Variants in TWIST2 observed in about 807,000 individuals in gnomAD.
TWIST2 encodes the protein twist family bHLH transcription factor 2, also known as twist-related protein 2.
A neutral mutation model predicts 11.6 loss-of-function variants in TWIST2; 1 was observed. That is an observed-to-expected ratio of 0.09 (90% confidence interval 0.03 to 0.41). The LOEUF is 0.41. Ranked by LOEUF, TWIST2 falls within the 10% of genes least tolerant of loss-of-function variation. The pLI is 0.98. For missense variants in TWIST2, 168 were observed against 226.4 expected, an observed-to-expected ratio of 0.74 and a Z score of 1.66; for synonymous variants, 87 against 96.6, an observed-to-expected ratio of 0.90 and a Z score of 0.58.
intron 1 of TWIST2, among the ~76,000 whole-genome samples, chr2:238,907,089 G>A (rs1693365734): frequency 6.6e-6 from 1 of 152,218 alleles, no homozygotes; most frequent in African/African-American, 2.4e-5. Context: ...AGGTCTCCTG[G>A]CAGGACAGCA....
At chr2:238,879,703 G>T (rs977057032) in intron 1 of TWIST2, among the ~76,000 whole-genome samples, 4 of 152,242 alleles carry the variant, frequency 2.6e-5, no homozygotes, top group Non-Finnish European at 5.9e-5. Flanking sequence ...ACCAGCTGTT[G>T]AGTTGTGGAC....
chr2:238,873,218 G>A (rs777163151), intron 1 of TWIST2, among the ~76,000 whole-genome samples: 5 of 152,140 alleles, frequency 3.3e-5, no homozygotes, highest in East Asian at 1.9e-4. Context: ...AGCCTCCCAC[G>A]TGCTGGGCTC....
intron 1 of TWIST2, among the ~76,000 whole-genome samples, chr2:238,858,202 C>T (rs551131439): frequency 1.3e-5 from 2 of 152,284 alleles, no homozygotes; most frequent in African/African-American, 4.8e-5. Flanking sequence ...TTCTGCCTCC[C>T]TGGGCGCATC....
rs1204696027 is a variant in TWIST2, at chr2:238,880,756, A to G, written c.*36-29086A>G. ...TAGTATTAGTGTTAGTGTTGGTGTT[A>G]ATATTAGCATTAGTGTCAGTGTTAG... On this transcript the variant is annotated intron_variant, in intron 1 of 1. Transcript: ENST00000612363. Among the ~76,000 whole-genome samples the G allele has an allele frequency of 3.5e-5, 4 of 114,432 alleles. 1 individual carries two copies. The highest frequency in any genetic ancestry group is 5.3e-5 in the Non-Finnish European group (3 of 56,488). The allele number at this position is 114,432 out of a possible 152,430, so 75.1% of individuals were successfully genotyped here.
At chr2:238,861,518 C>T (rs370433137) in intron 1 of TWIST2, among the ~76,000 whole-genome samples, 11 of 152,244 alleles carry the variant, frequency 7.2e-5, no homozygotes, top group East Asian at 3.9e-4. Flanking sequence ...TGAGGCAAGT[C>T]GGCACCCTTA....
intron 1 of TWIST2, among the ~76,000 whole-genome samples, chr2:238,902,649 GT>G (rs1693284374): frequency 7.2e-6 from 1 of 139,032 alleles, no homozygotes; most frequent in African/African-American, 2.8e-5. Flanking sequence ...GTGTGTGATG[GT>G]GTGTGTGTGA....
chr2:238,883,280 G>A (rs1209844273), intron 1 of TWIST2, among the ~76,000 whole-genome samples: 2 of 152,182 alleles, frequency 1.3e-5, no homozygotes, highest in South Asian at 2.1e-4. Context: ...TCCTCGTGGA[G>A]ACATGCAGGA....
At chr2:238,860,132 C>T (rs770689539) in intron 1 of TWIST2, among the ~76,000 whole-genome samples, 1 of 152,138 alleles carries the variant, frequency 6.6e-6, no homozygotes, top group African/African-American at 2.4e-5. Context: ...CTCGGTGGAC[C>T]GCTTCAGGCT....
At chr2:238,903,122 G>A (rs1693298052) in intron 1 of TWIST2, among the ~76,000 whole-genome samples, 2 of 148,866 alleles carry the variant, frequency 1.3e-5, no homozygotes, top group African/African-American at 2.5e-5. Flanking sequence ...TGAGGTGTGT[G>A]TGATGTGGGG....
At chr2:238,908,369 AAC>A (rs1444495392) in intron 1 of TWIST2, among the ~76,000 whole-genome samples, 5 of 150,022 alleles carry the variant, frequency 3.3e-5, no homozygotes, top group African/African-American at 1.2e-4. Flanking sequence ...CATACACACA[AAC>A]ACAAACCACA....
intron 1 of TWIST2, among the ~76,000 whole-genome samples, chr2:238,875,276 C>T (rs773470895): frequency 4.9e-4 from 74 of 151,882 alleles, no homozygotes; most frequent in Middle Eastern, 3.4e-3. Flanking sequence ...ACACTCAGCC[C>T]TTTAAGGAGC....
intron 1 of TWIST2, 26 bp downstream of exon 1, chr2:238,848,759 C>G (rs959475467): frequency 7.5e-7 from 1 of 1,329,672 alleles, no homozygotes; most frequent in Non-Finnish European, 9.5e-7. Flanking sequence ...GCGACGGGCG[C>G]CCTCCGCTGC....
intron 1 of TWIST2, among the ~76,000 whole-genome samples, chr2:238,902,431 T>C (rs1350438220): frequency 1.3e-5 from 2 of 149,744 alleles, no homozygotes; most frequent in Non-Finnish European, 3.0e-5. Flanking sequence ...ATGTGATAAG[T>C]GTGTGATATG....
intron 1 of TWIST2, among the ~76,000 whole-genome samples, chr2:238,909,428 CA>C (rs1693415417): frequency 1.3e-5 from 2 of 152,148 alleles, no homozygotes; most frequent in African/African-American, 4.8e-5. Context: ...CGAAACCCCA[CA>C]GCTCCCTCGG....
intron 1 of TWIST2, among the ~76,000 whole-genome samples, chr2:238,849,123 C>A (rs1350140118): frequency 6.6e-6 from 1 of 152,142 alleles, no homozygotes; most frequent in Non-Finnish European, 1.5e-5. Context: ...GACCAGCTGC[C>A]CTTTGCGTCC....
intron 1 of TWIST2, among the ~76,000 whole-genome samples, chr2:238,850,191 T>A (rs1482463036): frequency 2.6e-5 from 4 of 152,212 alleles, no homozygotes; most frequent in Non-Finnish European, 5.9e-5. Flanking sequence ...TTGTATAGTT[T>A]TTAAAAAATA....
chr2:238,869,542 T>C (rs991403737), intron 1 of TWIST2, among the ~76,000 whole-genome samples: 6 of 152,162 alleles, frequency 3.9e-5, no homozygotes, highest in Non-Finnish European at 7.4e-5. Context: ...GGCAAAGGCC[T>C]TAAATAGGCA....
At chr2:238,856,061 G>A (rs752533341) in intron 1 of TWIST2, among the ~76,000 whole-genome samples, 2 of 152,060 alleles carry the variant, frequency 1.3e-5, no homozygotes, top group Non-Finnish European at 2.9e-5. Flanking sequence ...AAACTCCCTG[G>A]GGGCCGTGCG....
chr2:238,860,890 A>G (rs1387207811), intron 1 of TWIST2, among the ~76,000 whole-genome samples: 2 of 152,200 alleles, frequency 1.3e-5, no homozygotes, highest in Middle Eastern at 3.2e-3. Flanking sequence ...GTGAGCCGAC[A>G]TCGCGCCACT....
Sources: allele counts gnomAD v4.1 joint callset (sites outside exome capture counted in the v4.1 genomes callset), GRCh38; gene constraint gnomAD v4.1.1; transcripts MANE v1.5; gene names NCBI Gene and HGNC (gene_info 2026-07-23, HGNC 2026-07-21).